Variants in COL22A1 observed in about 807,000 individuals in gnomAD.
The protein encoded by COL22A1 is collagen alpha-1(XXII) chain.
In COL22A1, 221 loss-of-function variants were observed where a neutral mutation model predicts 248.9. That is an observed-to-expected ratio of 0.89 (90% CI 0.80 to 0.99). The LOEUF is 0.99. Ranked by LOEUF, COL22A1 falls within the 50% of genes least tolerant of loss-of-function variation. The pLI is 0.00. For synonymous variants in COL22A1, 891 were observed against 793.4 expected, an observed-to-expected ratio of 1.12 and a Z score of -2.07; for missense variants, 2,240 against 2,179.0, an observed-to-expected ratio of 1.03 and a Z score of -0.56.
intron 3 of COL22A1, among the ~76,000 whole-genome samples, chr8:138,864,401 C>T (rs1177479037): frequency 6.6e-6 from 1 of 151,538 alleles, no homozygotes; most frequent in African/African-American, 2.4e-5. Flanking sequence ...GCAGGAGTTA[C>T]GAAGAGAAGG....
intron 1 of COL22A1, among the ~76,000 whole-genome samples, chr8:138,887,651 G>C (rs1429777959): frequency 6.6e-6 from 1 of 152,170 alleles, no homozygotes; most frequent in Non-Finnish European, 1.5e-5. Context: ...TCTACTTTGG[G>C]ACATTTAGTA....
chr8:138,802,599 A>T (rs1163101559), intron 11 of COL22A1, among the ~76,000 whole-genome samples: 1 of 152,134 alleles, frequency 6.6e-6, no homozygotes, highest in African/African-American at 2.4e-5. Context: ...AAAATGACAA[A>T]TTAGAGGGTT....
At chr8:138,784,181 T>C (rs1815293851) in intron 12 of COL22A1, among the ~76,000 whole-genome samples, 2 of 152,182 alleles carry the variant, frequency 1.3e-5, no homozygotes, top group African/African-American at 4.8e-5. Flanking sequence ...AAGTGTTGTA[T>C]TTAGGGGTGA....
At chr8:138,602,576 C>A (rs978888385) in intron 59 of COL22A1, among the ~76,000 whole-genome samples, 7 of 152,320 alleles carry the variant, frequency 4.6e-5, no homozygotes, top group Non-Finnish European at 7.4e-5. Flanking sequence ...TGCCCTGTGC[C>A]TGCAGCATGC....
At position 138,596,897 on chromosome 8, in the gene COL22A1, T is replaced by C. The variant is rs1817580473; in HGVS notation, c.4432+7A>G. ...CTGCAAGACCGTAACACAGTCCAGA[T>C]ACTCACTTTCAAGCTGCTTCCCCAG... On this transcript the variant is annotated splice_region_variant and intron_variant, in intron 62 of 64. Coordinates refer to ENST00000303045, the MANE Select transcript of COL22A1 (RefSeq NM_152888.3). 1 of 1,613,444 alleles carries C rather than the reference T, an allele frequency of 6.2e-7. No individual in the cohort carries two copies. Among genetic ancestry groups the C allele is most frequent in the African/African-American group, 1.3e-5 (1 of 74,900 alleles).
chr8:138,826,628 C>T, intron 6 of COL22A1, 30 bp downstream of exon 6: 2 of 1,611,348 alleles, frequency 1.2e-6, no homozygotes, highest in Non-Finnish European at 1.7e-6. Context: ...AAGCTCAGGA[C>T]CACTGAGATA....
chr8:138,811,008 G>T (rs543993149), intron 9 of COL22A1, among the ~76,000 whole-genome samples: 4 of 152,146 alleles, frequency 2.6e-5, no homozygotes, highest in African/African-American at 4.8e-5. Flanking sequence ...GCAGAACTTC[G>T]CAGACACTTT....
intron 22 of COL22A1, among the ~76,000 whole-genome samples, chr8:138,738,306 C>T (rs1831282213): frequency 6.6e-6 from 1 of 152,068 alleles, no homozygotes; most frequent in Non-Finnish European, 1.5e-5. Flanking sequence ...GAGGCCATCT[C>T]CTTAAATAGG....
intron 1 of COL22A1, among the ~76,000 whole-genome samples, chr8:138,896,440 T>G (rs1164239694): frequency 6.6e-6 from 1 of 152,176 alleles, no homozygotes; most frequent in African/African-American, 2.4e-5. Flanking sequence ...GCTCTCTATA[T>G]GCATTGCAGT....
chr8:138,716,104 G>GAAAT, intron 29 of COL22A1, 123 bp downstream of exon 29: 1 of 763,272 alleles, frequency 1.3e-6, no homozygotes, highest in Non-Finnish European at 2.1e-6. Context: ...TCAACACTGA[G>GAAAT]AAATACACTC....
chr8:138,783,297 A>T (rs536002018), intron 12 of COL22A1, among the ~76,000 whole-genome samples: 11 of 151,904 alleles, frequency 7.2e-5, no homozygotes, highest in South Asian at 6.3e-4. Context: ...AAATATATAT[A>T]TATTTTTTTC....
chr8:138,666,995 C>T (rs977642725), intron 41 of COL22A1, among the ~76,000 whole-genome samples: 16 of 152,192 alleles, frequency 1.1e-4, no homozygotes, highest in African/African-American at 3.6e-4. Flanking sequence ...CTTGTGTTAT[C>T]AGAAATAAAA....
In COL22A1 at chr8:138,626,269, C is replaced by T. The variant is rs1362478014; in HGVS notation, c.3664-26G>A. 1.9e-6 allele frequency: 3 copies of T among 1,589,240 alleles called. No homozygotes were observed. In the East Asian group the frequency reaches 6.7e-5, roughly 36 times the overall value. On this transcript the variant is annotated intron_variant, in intron 50 of 64. Coordinates refer to ENST00000303045, the MANE Select transcript of COL22A1 (RefSeq NM_152888.3). Reference sequence around the variant, plus strand: ...CTAAAAGATCCAAGACATAAAAACACCATGAAACCTCTGCTGGCTTTTCTG... The same window carrying T: ...CTAAAAGATCCAAGACATAAAAACATCATGAAACCTCTGCTGGCTTTTCTG...
chr8:138,854,150 T>A (rs1445914679), intron 3 of COL22A1, among the ~76,000 whole-genome samples: 1 of 152,124 alleles, frequency 6.6e-6, no homozygotes, highest in Admixed American at 6.6e-5. Flanking sequence ...AGAGGGAATA[T>A]GCCATCGTGA....
chr8:138,832,987 G>T, intron 5 of COL22A1, 52 bp downstream of exon 5: 1 of 1,239,746 alleles, frequency 8.1e-7, no homozygotes, highest in Non-Finnish European at 1.2e-6. Flanking sequence ...CCCCTTTCTT[G>T]CCCTTTCCCA....
chr8:138,660,964 G>GCACA lies in COL22A1; in HGVS notation c.3241-488_3241-485dup, dbSNP rs780914817. The stretch of plus-strand genomic sequence containing the variant: ...CACACATAAACACACAGACACACAC[G>GCACA]CACACACACATACACACACACATAC... On this transcript the variant is annotated intron_variant, in intron 43 of 64. Coordinates refer to ENST00000303045, the MANE Select transcript of COL22A1 (RefSeq NM_152888.3). Among the ~76,000 whole-genome samples, 48 of 123,146 alleles carry GCACA rather than the reference G, an allele frequency of 3.9e-4. No individual in the cohort carries two copies. In the South Asian group the frequency reaches 9.3e-3, roughly 24 times the overall value. The allele number at this position is 123,146 out of a possible 152,430, so 80.8% of individuals were successfully genotyped here.
In COL22A1 at chr8:138,598,841, C is replaced by T; in HGVS notation, c.4243G>A (p.Asp1415Asn). 6.2e-7 allele frequency: 1 copy of T among 1,614,144 alleles called. No homozygotes were observed. Among genetic ancestry groups the T allele is most frequent in the Non-Finnish European group, 8.5e-7 (1 of 1,180,008 alleles). Residue 1415 changes from aspartate to asparagine, a missense_variant, in exon 61 of 65, where the codon GAC becomes AAC. By Grantham distance (23) the Asp-to-Asn change is conservative (BLOSUM62 1). Coordinates refer to ENST00000303045, the MANE Select transcript of COL22A1 (RefSeq NM_152888.3). ...CCTTTGTGGCCTGGGATTCCAGGGT[C>T]CCCAGGCTGGCCTTTTCCACCAGGA... Reference protein sequence around the residue: ...GPPGGKGQPGDPGIPGHKGHT... With the variant: ...GPPGGKGQPGNPGIPGHKGHT...
chr8:138,623,000 C>T (rs142837608), intron 52 of COL22A1, among the ~76,000 whole-genome samples: 230 of 151,918 alleles, frequency 1.5e-3, no homozygotes, highest in African/African-American at 5.4e-3. Context: ...TGATGAATCT[C>T]TGATCCGTAG....
intron 47 of COL22A1, among the ~76,000 whole-genome samples, chr8:138,643,403 G>C (rs944457941): frequency 6.6e-6 from 1 of 152,140 alleles, no homozygotes; most frequent in African/African-American, 2.4e-5. Context: ...TGGGAGACCT[G>C]GGTGTTTTCC....
Sources: allele counts gnomAD v4.1 joint callset (sites outside exome capture counted in the v4.1 genomes callset), GRCh38; gene constraint gnomAD v4.1.1; transcripts MANE v1.5; gene names NCBI Gene and HGNC (gene_info 2026-07-23, HGNC 2026-07-21).